PLBD1: variants seen among roughly 807,000 people sequenced by gnomAD.
The protein encoded by PLBD1 is phospholipase B domain containing 1, also known as lysosomal leucine aminopeptidase.
Under a neutral mutation model 63.0 loss-of-function variants are expected in PLBD1, and 60 were observed. The ratio of observed to expected loss-of-function variants is 0.95; its 90% CI spans 0.77 to 1.18. The LOEUF is 1.18. Among genes scored for constraint, PLBD1 ranks in the 50% most tolerant of loss-of-function variants. The probability of loss-of-function intolerance (pLI) is 0.00; values close to 1 mark genes in which losing one functional copy is unlikely to be tolerated. For synonymous variants in PLBD1, 262 were observed against 248.0 expected (o/e 1.06, Z -0.53); for missense variants, 598 against 677.9 (o/e 0.88, Z 1.31).
chr12:14,511,298 T>TAA lies in PLBD1; in HGVS notation c.1147_1148insTT (p.Tyr383PhefsTer3), dbSNP rs774884905. On this transcript the variant is annotated frameshift_variant, in exon 8 of 11. Transcript: ENST00000240617. LOFTEE classifies it high-confidence loss of function. ...ATCAGTTTGTTCAGAATATTCTACA[T>TAA]ATGTAGGAATTTGCTCCACAATGTA... is the stretch of plus-strand genomic sequence containing the variant. The TAA allele has an allele frequency of 1.2e-6, 2 of 1,606,252 alleles. No homozygotes were observed. Among genetic ancestry groups the TAA allele is most frequent in the East Asian group, 4.5e-5 (2 of 44,860 alleles).
intron 1 of PLBD1, among the ~76,000 whole-genome samples, chr12:14,560,775 T>C (rs1565581906): frequency 6.6e-6 from 1 of 152,206 alleles, no homozygotes; most frequent in Admixed American, 6.5e-5. Context: ...TTTTGGCAAG[T>C]ACTTCCAGAG....
Position 14,536,673 on chromosome 12 carries a change from A to C in PLBD1, c.596T>G (p.Val199Gly). The change falls in exon 5 of 11, where the codon GTT becomes GGT. Residue 199 changes from valine (V) to glycine (G), a missense_variant. Coordinates refer to ENST00000240617, the MANE Select transcript of PLBD1 (RefSeq NM_024829.6). ...TLFQIQFLNS[V>G]GDLLDLIPSL... ...GGGAATCAGATCCAATAGATCTCCA[A>C]CACTATTCAGGAACTGAATCTGGAA... 2 of 1,614,208 alleles carry C rather than the reference A, an allele frequency of 1.2e-6. No homozygotes were observed. Among genetic ancestry groups the C allele is most frequent in the Non-Finnish European group, 1.7e-6 (2 of 1,180,018 alleles).
chr12:14,526,759 G>A lies in PLBD1; in HGVS notation c.844+8900C>T, dbSNP rs556007486. Among the ~76,000 whole-genome samples the A allele has an allele frequency of 2.0e-4, 31 of 152,240 alleles. No homozygotes were observed. In the South Asian group the frequency reaches 6.4e-3, roughly 32 times the overall value. On this transcript the variant is annotated intron_variant, in intron 6 of 10. Coordinates refer to ENST00000240617, the MANE Select transcript of PLBD1 (RefSeq NM_024829.6). ...AGGCCGAGGCAGGCAGATCACCTGA[G>A]GTCACGAGTTGGAGACCAGCTTGAC... is the stretch of plus-strand genomic sequence containing the variant.
chr12:14,515,553 GT>G (rs1307302653), intron 6 of PLBD1, among the ~76,000 whole-genome samples: 1 of 151,762 alleles, frequency 6.6e-6, no homozygotes, highest in East Asian at 1.9e-4. Context: ...AATATAGATT[GT>G]TTTTATATAC....
chr12:14,538,311 G>C (rs146036472), intron 4 of PLBD1, among the ~76,000 whole-genome samples: 1 of 148,768 alleles, frequency 6.7e-6, no homozygotes, highest in African/African-American at 2.5e-5. Context: ...CTCCTGCCTT[G>C]GCTTCCCAAA....
At chr12:14,536,819 T>G (rs1945520495) in intron 4 of PLBD1, 109 bp from the exon 5 acceptor site, 2 of 1,402,212 alleles carry the variant, frequency 1.4e-6, no homozygotes, top group African/African-American at 2.8e-5. Flanking sequence ...CTGTGCATGG[T>G]GGCTCACGCC....
In PLBD1 at chr12:14,511,348, GT is replaced by G. The variant is rs1945296826; in HGVS notation, c.1097del (p.Asn366ThrfsTer19). The part of the protein sequence containing the change: ...MVLDLKKVKL[N>X]HSLDKGTLYI... ...ACAGAGTGCCTTTGTCAAGACTGTG[GT>G]TCAGCTTTACTTTCTTCAGGTCCAG... On this transcript the variant is annotated frameshift_variant, in exon 8 of 11. Coordinates refer to ENST00000240617, the MANE Select transcript of PLBD1 (RefSeq NM_024829.6). LOFTEE classifies it high-confidence loss of function. 1 of 1,613,384 alleles carries G rather than the reference GT, an allele frequency of 6.2e-7. No homozygotes were observed. The highest frequency in any genetic ancestry group is 1.3e-5 in the African/African-American group (1 of 74,896).
intron 6 of PLBD1, among the ~76,000 whole-genome samples, chr12:14,531,793 G>T (rs944417280): frequency 6.6e-6 from 1 of 152,040 alleles, no homozygotes; most frequent in Non-Finnish European, 1.5e-5. Context: ...ACCAACACTC[G>T]GCTGATTTTT....
intron 1 of PLBD1, among the ~76,000 whole-genome samples, chr12:14,561,631 C>T (rs945021698): frequency 3.9e-5 from 6 of 152,128 alleles, no homozygotes; most frequent in African/African-American, 7.2e-5. Context: ...CTCGGCTCAC[C>T]GCAACCTCCG....
chr12:14,565,288 A>G (rs1945772215), intron 1 of PLBD1, among the ~76,000 whole-genome samples: 1 of 152,062 alleles, frequency 6.6e-6, no homozygotes, highest in Non-Finnish European at 1.5e-5. Context: ...CAACCTGTTG[A>G]AATCCCATCT....
At chr12:14,550,856 C>T (rs1945653113) in intron 2 of PLBD1, among the ~76,000 whole-genome samples, 1 of 149,270 alleles carries the variant, frequency 6.7e-6, no homozygotes, top group African/African-American at 2.5e-5. Context: ...CTAGCCTGGG[C>T]AGCAAGAGTG....
intron 2 of PLBD1, among the ~76,000 whole-genome samples, chr12:14,546,922 C>T (rs1034339155): frequency 2.0e-5 from 3 of 151,584 alleles, no homozygotes; most frequent in African/African-American, 7.3e-5. Flanking sequence ...GCTCTGTCAC[C>T]CAGGCTGGAG....
At chr12:14,523,600 A>G (rs1945394165) in intron 6 of PLBD1, among the ~76,000 whole-genome samples, 1 of 152,228 alleles carries the variant, frequency 6.6e-6, no homozygotes, top group Non-Finnish European at 1.5e-5. Flanking sequence ...TATAATAACC[A>G]AAACAGCATA....
chr12:14,553,345 G>C lies in PLBD1; in HGVS notation c.183C>G (p.Asp61Glu). 1 of 1,614,130 alleles carries C rather than the reference G, an allele frequency of 6.2e-7. No homozygotes were observed. Among genetic ancestry groups the C allele is most frequent in the East Asian group, 2.2e-5 (1 of 44,874 alleles). The change falls in exon 2 of 11, where the codon GAC (aspartate) becomes GAG (glutamate). Residue 61 changes from aspartate (D) to glutamate (E), a missense_variant. Asp to Glu is a conservative substitution (Grantham distance 45). Transcript: ENST00000240617. ...EKTVQVKNVM[D>E]KNGDAYGFYN... Reference sequence around the variant, plus strand: ...AAAAGCCATAGGCGTCCCCATTCTTGTCCATTACATTTTTGACTTGTACTG... The same window carrying C: ...AAAAGCCATAGGCGTCCCCATTCTTCTCCATTACATTTTTGACTTGTACTG...
intron 1 of PLBD1, 131 bp from the exon 2 acceptor site, chr12:14,553,543 C>G (rs564119659): frequency 3.9e-6 from 3 of 778,222 alleles, no homozygotes; most frequent in Non-Finnish European, 6.1e-6. Flanking sequence ...GGAAATCTGC[C>G]GTTACAGTTT....
intron 6 of PLBD1, among the ~76,000 whole-genome samples, chr12:14,525,955 G>A (rs1945412964): frequency 6.6e-6 from 1 of 151,846 alleles, no homozygotes; most frequent in South Asian, 2.1e-4. Flanking sequence ...CATATCACAA[G>A]CCCCAGGGAC....
intron 6 of PLBD1, among the ~76,000 whole-genome samples, chr12:14,518,904 T>C (rs1945355041): frequency 6.6e-6 from 1 of 151,812 alleles, no homozygotes; most frequent in Admixed American, 6.6e-5. Context: ...TCTTTGTTAA[T>C]ATGAAAAGCA....
chr12:14,546,183 G>A (rs1319435659), intron 2 of PLBD1, among the ~76,000 whole-genome samples: 18 of 152,014 alleles, frequency 1.2e-4, no homozygotes, highest in Admixed American at 1.2e-3. Flanking sequence ...GCCAGGCATG[G>A]TGGCACATGC....
At chr12:14,527,714 C>T (rs917923944) in intron 6 of PLBD1, among the ~76,000 whole-genome samples, 3 of 151,932 alleles carry the variant, frequency 2.0e-5, no homozygotes, top group Admixed American at 6.6e-5. Context: ...TTTATTGGCC[C>T]TTAAACTGAA....
Sources: gnomAD v4.1 joint callset for allele counts (sites outside exome capture counted in the v4.1 genomes callset) on GRCh38, gnomAD v4.1.1 for gene constraint, MANE v1.5 for transcripts, NCBI Gene and HGNC (gene_info 2026-07-23, HGNC 2026-07-21) for gene names.